TMEM165: variants seen among roughly 807,000 people sequenced by gnomAD.
The protein encoded by TMEM165 is transmembrane protein 165, also known as putative divalent cation/proton antiporter TMEM165.
In TMEM165, 19 loss-of-function variants were observed where a neutral mutation model predicts 30.0. The ratio of observed to expected loss-of-function variants is 0.63; its 90% CI spans 0.44 to 0.93. The LOEUF (loss-of-function observed/expected upper bound fraction) is 0.93, where lower values mean the gene tolerates loss of function less well. TMEM165 is among the 40% of genes least tolerant of loss of function. TMEM165 has a pLI of 0.00. For synonymous variants in TMEM165, 168 were observed against 162.9 expected (o/e 1.03, Z -0.24); for missense variants, 340 against 417.0 (o/e 0.82, Z 1.61).
intron 4 of TMEM165, among the ~76,000 whole-genome samples, chr4:55,419,424 C>G (rs1721874278): frequency 6.6e-6 from 1 of 152,214 alleles, no homozygotes; most frequent in South Asian, 2.1e-4. Flanking sequence ...AAGAACCTGA[C>G]CCCCAGAGAG....
At position 55,425,350 on chromosome 4, in the gene TMEM165, T is replaced by C. The variant is rs369528513; in HGVS notation, c.899-26T>C. The C allele has an allele frequency of 1.9e-5, 31 of 1,600,106 alleles. No homozygotes were observed. The African/African-American group carries it at 3.4e-4, about 17-fold the overall frequency. ...ATCAAGGTATAGGAATTTTACTGTA[T>C]TTGACTTTTTTTCTCTCTCTTCCAG... On this transcript the variant is annotated intron_variant, in intron 5 of 5. Coordinates refer to ENST00000381334, the MANE Select transcript of TMEM165 (RefSeq NM_018475.5).
intron 2 of TMEM165, among the ~76,000 whole-genome samples, chr4:55,416,583 A>G (rs1721737551): frequency 6.6e-6 from 1 of 152,206 alleles, no homozygotes; most frequent in African/African-American, 2.4e-5. Flanking sequence ...AGCAGAGTTT[A>G]AATCTTGCTA....
intron 1 of TMEM165, among the ~76,000 whole-genome samples, chr4:55,397,784 T>C (rs1720788364): frequency 6.6e-6 from 1 of 152,084 alleles, no homozygotes; most frequent in Admixed American, 6.6e-5. Flanking sequence ...TCTCGCTCTG[T>C]CGCCCAGGCT....
At chr4:55,444,713 C>T (rs1200200735) in intron 3 of TMEM165, 1 of 1,614,108 alleles carries the variant, frequency 6.2e-7, no homozygotes, top group Admixed American at 1.7e-5. Flanking sequence ...ATATTTGCTT[C>T]TATCATGCGT....
At chr4:55,438,143 T>C (rs1560411453) in intron 3 of TMEM165, 2 of 1,161,230 alleles carry the variant, frequency 1.7e-6, no homozygotes, top group Non-Finnish European at 2.4e-6. Context: ...GAACAAGCTT[T>C]CTATCTTTGT....
At chr4:55,401,670 C>T (rs1720998894) in intron 1 of TMEM165, among the ~76,000 whole-genome samples, 1 of 150,268 alleles carries the variant, frequency 6.7e-6, no homozygotes, top group Admixed American at 6.6e-5. Flanking sequence ...CCCACTCCAC[C>T]CAGTCCAGCC....
chr4:55,436,470 T>G (rs1024117940), intron 3 of TMEM165, among the ~76,000 whole-genome samples: 1 of 152,166 alleles, frequency 6.6e-6, no homozygotes, highest in African/African-American at 2.4e-5. Flanking sequence ...TACAAAAAAA[T>G]GTTAACAGAA....
chr4:55,402,732 C>T (rs886502682), intron 1 of TMEM165, among the ~76,000 whole-genome samples: 3 of 146,186 alleles, frequency 2.1e-5, no homozygotes, highest in Non-Finnish European at 4.4e-5. Context: ...CAGGCATGAG[C>T]CACCATGCCC....
At chr4:55,442,615 C>T (rs1017740629) in intron 3 of TMEM165, 2 of 1,612,872 alleles carry the variant, frequency 1.2e-6, no homozygotes, top group African/African-American at 1.3e-5. Flanking sequence ...ACTGTGCCCA[C>T]TCAGTACATT....
At chr4:55,443,489 GA>G (rs76130597) in intron 3 of TMEM165, among the ~76,000 whole-genome samples, 7 of 128,618 alleles carry the variant, frequency 5.4e-5, no homozygotes, top group Non-Finnish European at 8.5e-5. Context: ...AAAAAAAAAA[GA>G]AAAAAAAAAG....
intron 3 of TMEM165, chr4:55,433,504 C>G (rs191562656): frequency 6.6e-6 from 1 of 152,350 alleles, no homozygotes; most frequent in Admixed American, 6.5e-5. Flanking sequence ...CCCCTGACCT[C>G]TTTACCTAGC....
chr4:55,424,701 G>GTGT (rs1165061690), intron 5 of TMEM165, 58 bp downstream of exon 5: 1 of 1,144,404 alleles, frequency 8.7e-7, no homozygotes, highest in Non-Finnish European at 1.3e-6. Flanking sequence ...AGATTAAAGG[G>GTGT]TGTTAGCTTT....
At chr4:55,411,977 T>C in intron 2 of TMEM165, 138 bp downstream of exon 2, 1 of 701,330 alleles carries the variant, frequency 1.4e-6, no homozygotes, top group Non-Finnish European at 2.5e-6. Flanking sequence ...ACCTTTTCCT[T>C]GTGTATCCTT....
downstream of TMEM165, among the ~76,000 whole-genome samples, chr4:55,426,654 A>G (rs754205075): frequency 1.2e-4 from 18 of 152,232 alleles, no homozygotes; most frequent in Non-Finnish European, 2.4e-4. Context: ...TATTTGTGTG[A>G]GGTATAATAG....
intron 1 of TMEM165, among the ~76,000 whole-genome samples, chr4:55,398,093 T>C (rs1720807283): frequency 6.6e-6 from 1 of 152,254 alleles, no homozygotes. Context: ...AATTTTCTGT[T>C]GTTTTTCTGT....
chr4:55,414,095 C>T (rs1020132775), intron 2 of TMEM165, among the ~76,000 whole-genome samples: 6 of 152,096 alleles, frequency 3.9e-5, no homozygotes, highest in African/African-American at 7.2e-5. Context: ...GGTGAAACCC[C>T]GTCTCTACTA....
chr4:55,450,240 G>A (rs972400790), intron 3 of TMEM165: 1 of 1,613,848 alleles, frequency 6.2e-7, no homozygotes. Flanking sequence ...GCTCTATGGA[G>A]ACAGAGTAAA....
intron 3 of TMEM165, among the ~76,000 whole-genome samples, chr4:55,438,946 C>T (rs1054875560): frequency 5.9e-5 from 9 of 152,044 alleles, no homozygotes; most frequent in Admixed American, 5.9e-4. Context: ...CTGGAATTAG[C>T]AATAATTTCT....
At chr4:55,438,437 T>C (rs1184338524) in intron 3 of TMEM165, 1 of 1,613,866 alleles carries the variant, frequency 6.2e-7, no homozygotes, top group Non-Finnish European at 8.5e-7. Context: ...GGATATGCAG[T>C]CACCACCTGG....
Sources: allele counts gnomAD v4.1 joint callset (sites outside exome capture counted in the v4.1 genomes callset), GRCh38; gene constraint gnomAD v4.1.1; transcripts MANE v1.5; gene names NCBI Gene and HGNC (gene_info 2026-07-23, HGNC 2026-07-21).